The following PLCL2 variants were observed in gnomAD, a reference collection of about 807,000 sequenced individuals.
The protein encoded by PLCL2 is phospholipase C like 2.
PLCL2 carries 4 observed loss-of-function variants against 79.6 expected under a neutral mutation model. The observed-to-expected ratio is 0.05, with a 90% confidence interval of 0.02 to 0.11. PLCL2 has a LOEUF of 0.11. Among genes scored for constraint, PLCL2 ranks in the 10% least tolerant of loss-of-function variants. The pLI, the probability that PLCL2 is intolerant of heterozygous loss-of-function variation, is 1.00. For synonymous variants in PLCL2, 484 were observed against 457.7 expected, an observed-to-expected ratio of 1.06 and a Z score of -0.73; for missense variants, 895 against 1,291.0, an observed-to-expected ratio of 0.69 and a Z score of 4.70.
intron 5 of PLCL2, among the ~76,000 whole-genome samples, chr3:17,089,210 A>G (rs968696967): frequency 6.6e-6 from 1 of 152,146 alleles, no homozygotes; most frequent in African/African-American, 2.4e-5. Flanking sequence ...TGATGAAGTC[A>G]CACAGAAGCA....
chr3:17,024,231 CT>C (rs1233958231), intron 3 of PLCL2, among the ~76,000 whole-genome samples: 1 of 152,092 alleles, frequency 6.6e-6, no homozygotes, highest in African/African-American at 2.4e-5. Context: ...GTAGAGCATC[CT>C]GGAAAAGTGG....
At chr3:16,979,868 G>C (rs1190992398) in intron 1 of PLCL2, among the ~76,000 whole-genome samples, 1 of 150,690 alleles carries the variant, frequency 6.6e-6, no homozygotes, top group East Asian at 2.0e-4. Flanking sequence ...CTCCCAGACG[G>C]GGTGGTGGCC....
intron 1 of PLCL2, among the ~76,000 whole-genome samples, chr3:16,924,097 A>G (rs905800361): frequency 2.0e-5 from 3 of 152,158 alleles, no homozygotes; most frequent in Non-Finnish European, 4.4e-5. Flanking sequence ...TGATTAGTAC[A>G]TCCAATGTGT....
chr3:16,967,408 C>A (rs757490339), intron 1 of PLCL2, among the ~76,000 whole-genome samples: 1 of 152,122 alleles, frequency 6.6e-6, no homozygotes, highest in African/African-American at 2.4e-5. Context: ...TCCCTTTTCT[C>A]TGTAACTTCA....
chr3:16,974,949 G>C (rs1027733839), intron 1 of PLCL2, among the ~76,000 whole-genome samples: 3 of 152,272 alleles, frequency 2.0e-5, no homozygotes, highest in African/African-American at 7.2e-5. Context: ...TTCCTCCGGA[G>C]TCTCCTGCTT....
chr3:16,986,387 C>T (rs1031387006), intron 1 of PLCL2, among the ~76,000 whole-genome samples: 4 of 151,856 alleles, frequency 2.6e-5, no homozygotes, highest in African/African-American at 9.7e-5. Flanking sequence ...ATGAAAGGGC[C>T]GCATCCCTAG....
intron 1 of PLCL2, among the ~76,000 whole-genome samples, chr3:16,922,286 C>G (rs1271086158): frequency 6.6e-6 from 1 of 152,152 alleles, no homozygotes; most frequent in Non-Finnish European, 1.5e-5. Flanking sequence ...TAAAACAATT[C>G]TGAAATTTTA....
At chr3:17,079,270 C>T (rs1000933201) in intron 5 of PLCL2, among the ~76,000 whole-genome samples, 11 of 152,138 alleles carry the variant, frequency 7.2e-5, no homozygotes, top group African/African-American at 2.4e-4. Flanking sequence ...TGCCTGGAAC[C>T]CTCTCCTGAC....
At chr3:16,934,770 G>A (rs1697499111) in intron 1 of PLCL2, among the ~76,000 whole-genome samples, 1 of 152,200 alleles carries the variant, frequency 6.6e-6, no homozygotes, top group Admixed American at 6.5e-5. Context: ...ACACAGAAGA[G>A]CTCTTCAGAC....
At chr3:17,085,767 C>G (rs1262391963) in intron 5 of PLCL2, among the ~76,000 whole-genome samples, 1 of 149,596 alleles carries the variant, frequency 6.7e-6, no homozygotes, top group Non-Finnish European at 1.5e-5. Flanking sequence ...TTCTTATATA[C>G]CAGCAAAGAA....
At chr3:16,952,091 A>G (rs1401204667) in intron 1 of PLCL2, among the ~76,000 whole-genome samples, 1 of 151,978 alleles carries the variant, frequency 6.6e-6, no homozygotes, top group Non-Finnish European at 1.5e-5. Flanking sequence ...AAGTAAAGAA[A>G]CACTGCATGT....
intron 1 of PLCL2, among the ~76,000 whole-genome samples, chr3:16,978,359 C>T (rs76850852): frequency 2.0e-3 from 305 of 152,294 alleles, no homozygotes; most frequent in African/African-American, 7.2e-3. Context: ...CATCAACACT[C>T]ACAAGCTGAG....
intron 4 of PLCL2, among the ~76,000 whole-genome samples, chr3:17,048,133 T>G (rs1030148601): frequency 6.6e-5 from 10 of 151,492 alleles, no homozygotes; most frequent in African/African-American, 2.4e-4. Flanking sequence ...TCCTAGGAGC[T>G]GAGGTTATCA....
intron 1 of PLCL2, among the ~76,000 whole-genome samples, chr3:16,980,594 C>T (rs569399794): frequency 2.6e-3 from 392 of 151,380 alleles, no homozygotes; most frequent in African/African-American, 8.0e-3. Flanking sequence ...CGGGAAGAGG[C>T]GCTCCTCACT....
chr3:17,029,103 A>G (rs1216747487), intron 3 of PLCL2, among the ~76,000 whole-genome samples: 1 of 152,076 alleles, frequency 6.6e-6, no homozygotes, highest in South Asian at 2.1e-4. Flanking sequence ...GTTCTAAGGC[A>G]GTGAGGGCTG....
intron 1 of PLCL2, among the ~76,000 whole-genome samples, chr3:16,982,064 A>AG (rs1199818882): frequency 6.6e-6 from 1 of 152,200 alleles, no homozygotes. Flanking sequence ...TTTCTATGGA[A>AG]GTGGTGCAAA....
chr3:17,019,449 G>A (rs1439111803), intron 3 of PLCL2, among the ~76,000 whole-genome samples: 1 of 152,200 alleles, frequency 6.6e-6, no homozygotes, highest in Non-Finnish European at 1.5e-5. Flanking sequence ...ACCGGGGTTG[G>A]CACCCAAGTG....
At chr3:17,052,255 T>TAAAGG (rs1553648887) in intron 4 of PLCL2, among the ~76,000 whole-genome samples, 1 of 126,418 alleles carries the variant, frequency 7.9e-6, no homozygotes. Context: ...AAAAAAAAAT[T>TAAAGG]GGGGGGGGGT....
rs974440298 is a variant in PLCL2 at position 17,085,638 on chromosome 3, A to G, written c.3205-4095A>G. On this transcript the variant is annotated intron_variant, in intron 5 of 5. Transcript: ENST00000615277. ...CTAATTTTTTGTATTTTTAGTAGAGACGGGGTTTCACCATGTTAGCCAGGA... is the reference window on the plus strand; with the variant it reads ...CTAATTTTTTGTATTTTTAGTAGAGGCGGGGTTTCACCATGTTAGCCAGGA... Among the ~76,000 whole-genome samples, 8 of 151,404 alleles carry G rather than the reference A, an allele frequency of 5.3e-5. No homozygotes were observed. In the South Asian group the frequency reaches 1.5e-3, roughly 28 times the overall value.
Sources: allele counts gnomAD v4.1 joint callset (sites outside exome capture counted in the v4.1 genomes callset), GRCh38; gene constraint gnomAD v4.1.1; transcripts MANE v1.5; gene names NCBI Gene and HGNC (gene_info 2026-07-23, HGNC 2026-07-21).